The following UGT1A8 variants were observed in gnomAD, a reference collection of about 807,000 sequenced individuals.
UGT1A8 encodes the protein UDP glucuronosyltransferase family 1 member A8.
In UGT1A8, 39 loss-of-function variants were observed where a neutral mutation model predicts 45.3. The ratio of observed to expected loss-of-function variants is 0.86; its 90% CI spans 0.67 to 1.12. The LOEUF (loss-of-function observed/expected upper bound fraction) is 1.12, where lower values mean the gene tolerates loss of function less well. Among genes scored for constraint, UGT1A8 ranks in the 50% most tolerant of loss-of-function variants. The pLI is 0.00. For missense variants in UGT1A8, 719 were observed against 664.9 expected (o/e 1.08, Z -0.90); for synonymous variants, 275 against 249.2 (o/e 1.10, Z -0.97).
At chr2:233,751,192 T>A (rs984172323) in intron 1 of UGT1A8, among the ~76,000 whole-genome samples, 4 of 151,858 alleles carry the variant, frequency 2.6e-5, no homozygotes, top group African/African-American at 9.7e-5. Context: ...AAGTTAAAGG[T>A]GATAATTTTG....
intron 1 of UGT1A8, among the ~76,000 whole-genome samples, chr2:233,626,009 G>T (rs1213143289): frequency 6.6e-6 from 1 of 152,036 alleles, no homozygotes; most frequent in Non-Finnish European, 1.5e-5. Flanking sequence ...GTGGGCTGTG[G>T]AGGAGGAGGA....
intron 1 of UGT1A8, among the ~76,000 whole-genome samples, chr2:233,673,008 A>T (rs2741047): frequency 0.62 from 93,634 of 152,056 alleles, 29,094 homozygotes; most frequent in South Asian, 0.65. Context: ...AAATTGTGGA[A>T]CATATTCAGC....
chr2:233,636,507 G>A (rs533698185), intron 1 of UGT1A8: 152 of 1,604,322 alleles, frequency 9.5e-5, no homozygotes, highest in African/African-American at 6.0e-4. Flanking sequence ...CTGCTGGCTC[G>A]GGCTGCAGTT....
chr2:233,702,774 C>T (rs908895001), intron 1 of UGT1A8, among the ~76,000 whole-genome samples: 2 of 152,132 alleles, frequency 1.3e-5, no homozygotes, highest in East Asian at 3.8e-4. Context: ...AATTGATTTG[C>T]AGGTGTAAAC....
Position 233,769,854 on chromosome 2 carries a change from T to C in UGT1A8, c.1295+1415T>C. 2.3e-6 allele frequency: 1 copy of C among 426,358 alleles called. No homozygotes were observed. The highest frequency in any genetic ancestry group is 3.7e-6 in the Non-Finnish European group (1 of 266,722). 26.4% of individuals were successfully genotyped at this position (426,358 alleles called of 1,614,324 possible). On this transcript the variant is annotated intron_variant, in intron 4 of 4. Transcript: ENST00000373450. The surrounding 1 kb of genome is among the most constrained non-coding windows in gnomAD (Gnocchi z 4.4). ...ACCTGGGCAACAGAGTGAGACCCTGTCTCAAAAAAAAAAAAAAAAATGAAA... is the reference window on the plus strand; with the variant it reads ...ACCTGGGCAACAGAGTGAGACCCTGCCTCAAAAAAAAAAAAAAAAATGAAA...
intron 1 of UGT1A8, among the ~76,000 whole-genome samples, chr2:233,756,569 C>G (rs1206188588): frequency 6.6e-6 from 1 of 152,130 alleles, no homozygotes; most frequent in Non-Finnish European, 1.5e-5. Flanking sequence ...TCCTCTCAGA[C>G]AAAAGGAAAT....
rs367686960 is a variant in UGT1A8, at chr2:233,636,666, T to C, written c.855+18104T>C. ...CCATGCAGTCGGTGGTGGAGAAACT[T>C]ATCCTCAGGGGGCATGAGGTGGTTG... On this transcript the variant is annotated intron_variant, in intron 1 of 4. Coordinates refer to ENST00000373450, the MANE Select transcript of UGT1A8 (RefSeq NM_019076.5). 2.0e-5 allele frequency: 32 copies of C among 1,614,072 alleles called. 1 individual carries two copies. The highest frequency in any genetic ancestry group is 2.0e-4 in the South Asian group (18 of 91,068).
chr2:233,692,118 A>G (rs917986255), intron 1 of UGT1A8: 1 of 152,200 alleles, frequency 6.6e-6, no homozygotes, highest in East Asian at 1.9e-4. Context: ...AATCTAATCA[A>G]TCATGCCTAC....
intron 1 of UGT1A8, among the ~76,000 whole-genome samples, chr2:233,641,213 T>C (rs2073443572): frequency 1.3e-5 from 2 of 152,202 alleles, no homozygotes; most frequent in African/African-American, 4.8e-5. Flanking sequence ...TGCCTTTCTT[T>C]ACCTACAAGT....
In UGT1A8 at chr2:233,734,906, CA is replaced by C. The variant is rs200128219; in HGVS notation, c.856-32127del. Reference sequence around the variant, plus strand: ...GTTTGTTGTGATTTCTATTCTTTTACATTTGCTAAGGAGTGCTTTACTTACA... The same window carrying C: ...GTTTGTTGTGATTTCTATTCTTTTACTTTGCTAAGGAGTGCTTTACTTACA... On this transcript the variant is annotated intron_variant, in intron 1 of 4. Coordinates refer to ENST00000373450, the MANE Select transcript of UGT1A8 (RefSeq NM_019076.5). Among the ~76,000 whole-genome samples, 55 of 152,278 alleles carry C rather than the reference CA, an allele frequency of 3.6e-4. No homozygotes were observed. The East Asian group carries it at 0.011, about 29-fold the overall frequency.
chr2:233,699,971 A>G (rs1575467099), intron 1 of UGT1A8, among the ~76,000 whole-genome samples: 1 of 152,190 alleles, frequency 6.6e-6, no homozygotes, highest in Admixed American at 6.5e-5. Flanking sequence ...CCCGTCCCCC[A>G]ACTCCCAACA....
chr2:233,767,013 A>C, intron 1 of UGT1A8, 21 bp from the exon 2 acceptor site: 3 of 1,613,858 alleles, frequency 1.9e-6, no homozygotes, highest in Non-Finnish European at 2.5e-6. Flanking sequence ...AATTAACTGA[A>C]AATTTTTCTT....
intron 1 of UGT1A8, among the ~76,000 whole-genome samples, chr2:233,680,261 A>G (rs895381633): frequency 2.0e-5 from 3 of 152,190 alleles, no homozygotes; most frequent in African/African-American, 7.2e-5. Flanking sequence ...AACATGATGA[A>G]AAATACAGTA....
At chr2:233,692,597 A>T (rs1335313485) in intron 1 of UGT1A8, among the ~76,000 whole-genome samples, 3 of 152,220 alleles carry the variant, frequency 2.0e-5, no homozygotes, top group African/African-American at 7.2e-5. Context: ...TCCGTGTGCA[A>T]GAAAAATTCC....
intron 1 of UGT1A8, among the ~76,000 whole-genome samples, chr2:233,683,876 C>A (rs1233515358): frequency 6.6e-6 from 1 of 152,100 alleles, no homozygotes; most frequent in East Asian, 1.9e-4. Flanking sequence ...ATTATTCCCT[C>A]CCCTGGTATT....
chr2:233,718,517 T>G (rs2076659127), intron 1 of UGT1A8, among the ~76,000 whole-genome samples: 2 of 152,204 alleles, frequency 1.3e-5, no homozygotes, highest in African/African-American at 2.4e-5. Context: ...ATGAAATGGG[T>G]GTCCACAGCC....
chr2:233,766,910 T>C (rs960990875), intron 1 of UGT1A8, 124 bp from the exon 2 acceptor site: 6 of 1,519,286 alleles, frequency 3.9e-6, no homozygotes, highest in East Asian at 2.3e-5. Context: ...TTTTTTACTC[T>C]ATCTCAAACA....
chr2:233,717,852 T>A (rs1267229703), intron 1 of UGT1A8: 1 of 455,074 alleles, frequency 2.2e-6, no homozygotes, highest in Non-Finnish European at 4.4e-6. Flanking sequence ...TTATCAGAAC[T>A]TGGTGCTGGA....
intron 1 of UGT1A8, among the ~76,000 whole-genome samples, chr2:233,627,752 A>G (rs1476884748): frequency 6.6e-6 from 1 of 151,286 alleles, no homozygotes; most frequent in Non-Finnish European, 1.5e-5. Flanking sequence ...TCACCACGGT[A>G]GAGCTCAGCC....
Sources: gnomAD v4.1 joint callset for allele counts (sites outside exome capture counted in the v4.1 genomes callset) on GRCh38, gnomAD v4.1.1 for gene constraint, Gnocchi (gnomAD v3.1) non-coding constraint, MANE v1.5 for transcripts, NCBI Gene and HGNC (gene_info 2026-07-23, HGNC 2026-07-21) for gene names.